The following OMA1 variants were observed in gnomAD, a reference collection of about 807,000 sequenced individuals.
The protein encoded by OMA1 is metalloendopeptidase OMA1, mitochondrial.
OMA1 carries 38 observed loss-of-function variants against 30.9 expected under a neutral mutation model. The ratio of observed to expected loss-of-function variants is 1.23; its 90% CI spans 0.95 to 1.61. The LOEUF (loss-of-function observed/expected upper bound fraction) is 1.61. Among genes scored for constraint, OMA1 ranks in the 40% most tolerant of loss-of-function variants. OMA1 has a pLI of 0.00. For synonymous variants in OMA1, 173 were observed against 121.9 expected (o/e 1.42, Z -2.76); for missense variants, 461 against 349.2 (o/e 1.32, Z -2.55).
At chr1:58,541,614 C>CAAAAAAAAAAAAAAAAAAAAAAAAAAAAA (rs60360589) in intron 1 of OMA1, 5 of 65,632 alleles carry the variant, frequency 7.6e-5, no homozygotes, top group Non-Finnish European at 8.0e-5. Flanking sequence ...GAGAACCTGT[C>CAAAAAAAAAAAAAAAAAAAAAAAAAAAAA]AAAAAAAAAA....
At chr1:58,485,228 T>TAAAAAAAAAAAAAAAAAAAAAA (rs71043289) in intron 8 of OMA1, among the ~76,000 whole-genome samples, 3 of 42,036 alleles carry the variant, frequency 7.1e-5, no homozygotes, top group Non-Finnish European at 8.3e-5. Flanking sequence ...AGTCTACTAC[T>TAAAAAAAAAAAAAAAAAAAAAA]AAAAAAAAAA....
chr1:58,527,163 T>C, intron 7 of OMA1, 98 bp downstream of exon 7: 1 of 760,222 alleles, frequency 1.3e-6, no homozygotes, highest in South Asian at 1.4e-5. Flanking sequence ...ACAGTCCAAC[T>C]CTCATTCTCT....
chr1:58,526,294 G>A (rs1006493605), intron 7 of OMA1, among the ~76,000 whole-genome samples: 1 of 151,994 alleles, frequency 6.6e-6, no homozygotes, highest in Non-Finnish European at 1.5e-5. Flanking sequence ...CTTTTGTGAA[G>A]GAGTAATACC....
intron 6 of OMA1, among the ~76,000 whole-genome samples, chr1:58,529,269 C>T (rs1164543798): frequency 6.6e-6 from 1 of 152,162 alleles, no homozygotes; most frequent in Non-Finnish European, 1.5e-5. Flanking sequence ...CCAGATGGCA[C>T]TCTGATGGGA....
intron 7 of OMA1, 93 bp from the exon 8 acceptor site, chr1:58,506,302 T>C (rs1247662971): frequency 1.5e-6 from 1 of 667,780 alleles, no homozygotes; most frequent in Admixed American, 2.8e-5. Context: ...CTATTATAAT[T>C]ATACTTTAAG....
intron 7 of OMA1, among the ~76,000 whole-genome samples, chr1:58,518,018 C>T (rs1646184522): frequency 6.6e-6 from 1 of 151,284 alleles, no homozygotes; most frequent in African/African-American, 2.4e-5. Flanking sequence ...GAAACCCCGT[C>T]TCAACTAAAA....
At chr1:58,490,423 C>A (rs1176126319) in intron 8 of OMA1, among the ~76,000 whole-genome samples, 2 of 152,108 alleles carry the variant, frequency 1.3e-5, no homozygotes, top group Non-Finnish European at 2.9e-5. Context: ...ACAAAGCCTC[C>A]AAGAAATATG....
chr1:58,504,823 TTTATCTTA>T (rs1645961521), intron 8 of OMA1, among the ~76,000 whole-genome samples: 1 of 152,214 alleles, frequency 6.6e-6, no homozygotes, highest in African/African-American at 2.4e-5. Flanking sequence ...TCATTTTTTA[TTTATCTTA>T]GCATCCTGTA....
intron 1 of OMA1, among the ~76,000 whole-genome samples, chr1:58,544,035 T>A (rs1031824263): frequency 6.6e-6 from 1 of 152,180 alleles, no homozygotes; most frequent in Admixed American, 6.5e-5. Flanking sequence ...ATCAGCAAAG[T>A]GATACTGATG....
intron 6 of OMA1, among the ~76,000 whole-genome samples, chr1:58,528,917 T>C (rs1269186702): frequency 6.6e-6 from 1 of 152,202 alleles, no homozygotes; most frequent in Admixed American, 6.5e-5. Flanking sequence ...TACAGTGAAG[T>C]GGCAGAATTT....
At chr1:58,498,200 C>T (rs892164334) in intron 8 of OMA1, among the ~76,000 whole-genome samples, 12 of 151,268 alleles carry the variant, frequency 7.9e-5, no homozygotes, top group African/African-American at 2.9e-4. Context: ...TCTATCTTGA[C>T]ATGTATTTTA....
At chr1:58,487,187 T>C (rs1645590734) in intron 8 of OMA1, among the ~76,000 whole-genome samples, 1 of 152,200 alleles carries the variant, frequency 6.6e-6, no homozygotes, top group Non-Finnish European at 1.5e-5. Flanking sequence ...AGTGGCGAAG[T>C]TGAGAAGCCC....
Position 58,537,859 on chromosome 1 carries a change from A to C in OMA1, c.500+936T>G, listed in dbSNP as rs562427819. On this transcript the variant is annotated intron_variant, in intron 2 of 8. Transcript: ENST00000371226. The stretch of plus-strand genomic sequence containing the variant: ...GTATGAAAGACATATTCTAAATGAA[A>C]AATTTTAGGTGATCAACAATAGTAA... 3.9e-5 allele frequency among the ~76,000 whole-genome samples: 6 copies of C among 152,328 alleles called. No individual in the cohort carries two copies. The South Asian group carries it at 1.0e-3, about 26-fold the overall frequency.
chr1:58,489,837 G>A (rs190845023), intron 8 of OMA1, among the ~76,000 whole-genome samples: 124 of 152,320 alleles, frequency 8.1e-4, no homozygotes, highest in African/African-American at 2.9e-3. Context: ...AACAGGGTCT[G>A]GAGTGGTCCT....
At chr1:58,530,810 T>TA (rs1159848120) in intron 5 of OMA1, 81 bp from the exon 6 acceptor site, 67 of 754,302 alleles carry the variant, frequency 8.9e-5, no homozygotes, top group Non-Finnish European at 1.5e-4. Flanking sequence ...CATCATGTGT[T>TA]ACAATTACCT....
At chr1:58,534,135 T>C (rs766492771) in intron 4 of OMA1, 23 bp downstream of exon 4, 3 of 867,896 alleles carry the variant, frequency 3.5e-6, no homozygotes, top group Admixed American at 1.7e-5. Flanking sequence ...ACAATTACAA[T>C]GCGTTTGAGA....
chr1:58,509,331 C>G (rs1234496963), intron 7 of OMA1, among the ~76,000 whole-genome samples: 1 of 150,886 alleles, frequency 6.6e-6, no homozygotes. Context: ...AACAAAGACA[C>G]AGAAAATGTA....
chr1:58,536,659 G>C lies in OMA1; in HGVS notation c.583C>G (p.Leu195Val). ...CCAAAACTACTCAAACCAAGGAATAGCTTCCATTTATTCTTCCTTATATTT... is the reference window on the plus strand; with the variant it reads ...CCAAAACTACTCAAACCAAGGAATACCTTCCATTTATTCTTCCTTATATTT... ...KENIRKNKWK[L>V]FLGLSSFGLL... The change falls in exon 3 of 9, where the codon CTA (leucine) becomes GTA (valine). Residue 195 changes from leucine to valine, a missense_variant. Coordinates refer to ENST00000371226, the MANE Select transcript of OMA1 (RefSeq NM_145243.5). 4 of 872,814 alleles carry C rather than the reference G, an allele frequency of 4.6e-6. No homozygotes were observed. Among genetic ancestry groups the C allele is most frequent in the Non-Finnish European group, 8.0e-6 (4 of 501,612 alleles). 54.1% of individuals were successfully genotyped at this position (872,814 alleles called of 1,614,324 possible). A position where few individuals can be genotyped will look rare whatever the true frequency, so the allele number is the denominator to read the frequency against.
chr1:58,503,514 G>C (rs962952480), intron 8 of OMA1, among the ~76,000 whole-genome samples: 1 of 151,998 alleles, frequency 6.6e-6, no homozygotes, highest in Non-Finnish European at 1.5e-5. Flanking sequence ...TCTGTGTCCT[G>C]TCAAAATTTA....
Sources: allele counts gnomAD v4.1 joint callset (sites outside exome capture counted in the v4.1 genomes callset), GRCh38; gene constraint gnomAD v4.1.1; transcripts MANE v1.5; gene names NCBI Gene and HGNC (gene_info 2026-07-23, HGNC 2026-07-21).